Variants in FSTL5 observed in about 807,000 individuals in gnomAD.
FSTL5 encodes follistatin like 5.
A neutral mutation model predicts 89.1 loss-of-function variants in FSTL5; 62 were observed. The ratio of observed to expected loss-of-function variants is 0.70; its 90% confidence interval spans 0.57 to 0.86. FSTL5 has a LOEUF of 0.86. Among genes scored for constraint, FSTL5 ranks in the 40% least tolerant of loss-of-function variants. The pLI is 0.00. For missense variants in FSTL5, 1,057 were observed against 1,001.6 expected (o/e 1.06, Z -0.75); for synonymous variants, 383 against 346.2 (o/e 1.11, Z -1.18).
chr4:161,866,303 T>C (rs1732086270), intron 4 of FSTL5, among the ~76,000 whole-genome samples: 2 of 152,222 alleles, frequency 1.3e-5, no homozygotes, highest in African/African-American at 4.8e-5. Flanking sequence ...CTTCTCTTGG[T>C]TTCTGTGACA....
chr4:161,479,727 A>ATAAC (rs948792021), intron 13 of FSTL5, among the ~76,000 whole-genome samples: 5 of 152,176 alleles, frequency 3.3e-5, no homozygotes, highest in African/African-American at 1.2e-4. Context: ...TTCTATTAGA[A>ATAAC]TAACTTCTTC....
chr4:161,987,335 T>G (rs931460128), intron 3 of FSTL5, among the ~76,000 whole-genome samples: 3 of 151,800 alleles, frequency 2.0e-5, no homozygotes, highest in African/African-American at 7.3e-5. Context: ...TCTCTTTTAG[T>G]GGGCTTTCAA....
At chr4:161,645,615 A>C (rs999244255) in intron 7 of FSTL5, among the ~76,000 whole-genome samples, 1 of 152,072 alleles carries the variant, frequency 6.6e-6, no homozygotes, top group Non-Finnish European at 1.5e-5. Context: ...ATTACATGCC[A>C]TGTCTCTAAT....
At chr4:161,745,308 C>G (rs935366018) in intron 6 of FSTL5, among the ~76,000 whole-genome samples, 3 of 152,002 alleles carry the variant, frequency 2.0e-5, no homozygotes, top group African/African-American at 4.8e-5. Flanking sequence ...AGTGTGATCT[C>G]ATATAAAAAT....
chr4:161,987,314 A>G (rs1267341032), intron 3 of FSTL5, among the ~76,000 whole-genome samples: 2 of 151,916 alleles, frequency 1.3e-5, no homozygotes, highest in Non-Finnish European at 2.9e-5. Context: ...CCTATAACTC[A>G]AACAAATGTA....
intron 2 of FSTL5, among the ~76,000 whole-genome samples, chr4:162,069,162 AGT>A (rs1729490079): frequency 6.6e-6 from 1 of 152,048 alleles, no homozygotes; most frequent in Admixed American, 6.6e-5. Context: ...TAGAATCATT[AGT>A]CCTTTGATTT....
chr4:161,786,660 G>A (rs1741914902), intron 4 of FSTL5, among the ~76,000 whole-genome samples: 1 of 151,988 alleles, frequency 6.6e-6, no homozygotes, highest in South Asian at 2.1e-4. Context: ...CTTGGTTCTG[G>A]TATATAGTTA....
At chr4:161,514,467 G>A (rs970522352) in intron 10 of FSTL5, among the ~76,000 whole-genome samples, 24 of 152,188 alleles carry the variant, frequency 1.6e-4, no homozygotes, top group Non-Finnish European at 3.4e-4. Flanking sequence ...TAGTGGGAGG[G>A]TTGGAAGTAG....
chr4:161,602,496 G>A (rs945311416), intron 7 of FSTL5, among the ~76,000 whole-genome samples: 5 of 152,056 alleles, frequency 3.3e-5, no homozygotes, highest in African/African-American at 1.2e-4. Flanking sequence ...ATCACCAAAA[G>A]AGGGAAAATA....
intron 8 of FSTL5, among the ~76,000 whole-genome samples, chr4:161,564,848 C>G (rs142468248): frequency 0.01 from 1,582 of 151,730 alleles, 17 homozygotes; most frequent in Non-Finnish European, 0.016. Context: ...CTAAAATTCA[C>G]TGGTGTTAAA....
intron 13 of FSTL5, among the ~76,000 whole-genome samples, chr4:161,478,081 C>T (rs1338809970): frequency 6.6e-6 from 1 of 152,030 alleles, no homozygotes; most frequent in Non-Finnish European, 1.5e-5. Flanking sequence ...CACTTTTCAA[C>T]TCATATATGT....
chr4:161,467,728 T>G (rs1180021770), intron 13 of FSTL5, among the ~76,000 whole-genome samples: 1 of 152,092 alleles, frequency 6.6e-6, no homozygotes, highest in African/African-American at 2.4e-5. Flanking sequence ...AAGACAAATA[T>G]AAGGGTGTGT....
intron 15 of FSTL5, among the ~76,000 whole-genome samples, chr4:161,402,033 A>T (rs1052695231): frequency 3.9e-5 from 6 of 152,176 alleles, no homozygotes; most frequent in Admixed American, 2.0e-4. Context: ...GGATTTATAA[A>T]GTGCTTTTTC....
chr4:161,634,696 C>A (rs1361623463), intron 7 of FSTL5, among the ~76,000 whole-genome samples: 1 of 152,048 alleles, frequency 6.6e-6, no homozygotes, highest in Non-Finnish European at 1.5e-5. Flanking sequence ...AAAGCTGAAC[C>A]AATAATCAGA....
intron 4 of FSTL5, among the ~76,000 whole-genome samples, chr4:161,882,922 T>C (rs1732680929): frequency 6.6e-6 from 1 of 152,130 alleles, no homozygotes; most frequent in African/African-American, 2.4e-5. Flanking sequence ...ATATGAATAG[T>C]TTGGATTTAT....
At chr4:162,056,954 T>C (rs184260566) in intron 2 of FSTL5, among the ~76,000 whole-genome samples, 1 of 152,372 alleles carries the variant, frequency 6.6e-6, no homozygotes, top group African/African-American at 2.4e-5. Context: ...AGACATCTGT[T>C]GTGAATTTCA....
chr4:161,943,533 T>A (rs1309358833), intron 3 of FSTL5, among the ~76,000 whole-genome samples: 1 of 107,800 alleles, frequency 9.3e-6, no homozygotes, highest in East Asian at 2.9e-4. Flanking sequence ...TCAGAACCAC[T>A]GTATCTTTTT....
chr4:161,660,117 C>T (rs1021756758), intron 6 of FSTL5, among the ~76,000 whole-genome samples: 50 of 152,128 alleles, frequency 3.3e-4, no homozygotes, highest in Admixed American at 2.2e-3. Flanking sequence ...AAGTATTTAA[C>T]GCAAAATTTT....
At chr4:161,623,676 A>G (rs1735217376) in intron 7 of FSTL5, among the ~76,000 whole-genome samples, 1 of 151,832 alleles carries the variant, frequency 6.6e-6, no homozygotes. Context: ...GAAAAAATTA[A>G]ATTATGGTGT....
Sources: gnomAD v4.1 joint callset for allele counts (sites outside exome capture counted in the v4.1 genomes callset) on GRCh38, gnomAD v4.1.1 for gene constraint, MANE v1.5 for transcripts, NCBI Gene and HGNC (gene_info 2026-07-23, HGNC 2026-07-21) for gene names.